PHLDB2: variants seen among roughly 807,000 people sequenced by gnomAD.
The protein encoded by PHLDB2 is pleckstrin homology-like domain family B member 2.
PHLDB2 carries 71 observed loss-of-function variants against 123.6 expected under a neutral mutation model. That is an observed-to-expected ratio of 0.57 (90% CI 0.47 to 0.70). The LOEUF (loss-of-function observed/expected upper bound fraction) is 0.70, where lower values mean the gene tolerates loss of function less well. Among genes scored for constraint, PHLDB2 ranks in the 30% least tolerant of loss-of-function variants. The pLI is 0.00. For missense variants in PHLDB2, 1,446 were observed against 1,519.5 expected (o/e 0.95, Z 0.80); for synonymous variants, 547 against 541.6 (o/e 1.01, Z -0.14).
chr3:111,932,452 C>G lies in PHLDB2; in HGVS notation c.2130+55C>G, dbSNP rs2107573507. On this transcript the variant is annotated intron_variant, in intron 6 of 17. Transcript: ENST00000431670. The stretch of plus-strand genomic sequence containing the variant: ...TTTTGCTTTTCGTTTTTGTTTTTCA[C>G]TTAAGTGCCACTTACCTGTGACTTA... 2.6e-6 allele frequency: 4 copies of G among 1,514,494 alleles called. No individual in the cohort carries two copies. In the South Asian group the frequency reaches 5.1e-5, roughly 19 times the overall value. The allele number at this position is 1,514,494 out of a possible 1,614,324, so 93.8% of individuals were successfully genotyped here.
intron 1 of PHLDB2, among the ~76,000 whole-genome samples, chr3:111,837,541 C>T (rs1053156378): frequency 2.6e-5 from 4 of 152,186 alleles, no homozygotes; most frequent in African/African-American, 7.2e-5. Context: ...GATGTTTCCT[C>T]AGACCCTATA....
At chr3:111,951,016 G>A (rs1056463978) in intron 10 of PHLDB2, among the ~76,000 whole-genome samples, 5 of 152,154 alleles carry the variant, frequency 3.3e-5, no homozygotes, top group Non-Finnish European at 7.4e-5. Flanking sequence ...CAGTTAGACT[G>A]TGTTTTCATT....
chr3:111,854,533 G>A (rs2064399452), upstream of PHLDB2, among the ~76,000 whole-genome samples: 1 of 152,164 alleles, frequency 6.6e-6, no homozygotes, highest in Non-Finnish European at 1.5e-5. Context: ...ACAAAGATTT[G>A]TTAGGCTATC....
chr3:111,876,987 C>A (rs7637686), intron 1 of PHLDB2, among the ~76,000 whole-genome samples: 1 of 152,250 alleles, frequency 6.6e-6, no homozygotes, highest in Non-Finnish European at 1.5e-5. Flanking sequence ...CATTTGGGTT[C>A]GTTCCAAGTC....
At chr3:111,937,168 T>C (rs2069546238) in intron 6 of PHLDB2, among the ~76,000 whole-genome samples, 1 of 152,250 alleles carries the variant, frequency 6.6e-6, no homozygotes, top group African/African-American at 2.4e-5. Context: ...GATAGTCTTG[T>C]TGCTAATTAC....
chr3:111,956,745 A>C (rs926152986), intron 12 of PHLDB2, among the ~76,000 whole-genome samples: 1 of 152,224 alleles, frequency 6.6e-6, no homozygotes, highest in African/African-American at 2.4e-5. Flanking sequence ...ACCCCAGCAG[A>C]CTGTAAAACT....
intron 8 of PHLDB2, among the ~76,000 whole-genome samples, chr3:111,943,298 A>AG (rs768673418): frequency 6.6e-6 from 1 of 152,222 alleles, no homozygotes; most frequent in Non-Finnish European, 1.5e-5. Flanking sequence ...CTTTCAAAGA[A>AG]ATGATGCTGG....
chr3:111,796,898 T>C (rs996076605), intron 1 of PHLDB2, among the ~76,000 whole-genome samples: 25 of 152,244 alleles, frequency 1.6e-4, no homozygotes, highest in African/African-American at 5.8e-4. Context: ...AAAATTCTTA[T>C]CAAGATTTAC....
intron 1 of PHLDB2, among the ~76,000 whole-genome samples, chr3:111,841,691 A>G (rs1274377693): frequency 6.6e-6 from 1 of 152,056 alleles, no homozygotes; most frequent in Non-Finnish European, 1.5e-5. Context: ...GGCTTCTAAG[A>G]CTCCTGCGTG....
At chr3:111,847,276 T>C (rs1361483480) in intron 2 of PHLDB2, among the ~76,000 whole-genome samples, 1 of 152,178 alleles carries the variant, frequency 6.6e-6, no homozygotes, top group Non-Finnish European at 1.5e-5. Flanking sequence ...ATTCAACAAA[T>C]ATTTAATAGT....
chr3:111,905,947 G>A (rs969475761), intron 2 of PHLDB2, among the ~76,000 whole-genome samples: 3 of 152,114 alleles, frequency 2.0e-5, no homozygotes, highest in African/African-American at 4.8e-5. Flanking sequence ...CTGGAATGTC[G>A]TTATGTGTGC....
At chr3:111,780,392 A>AAGAAGAAGAAGAAGAAGG (rs2060403126) in intron 1 of PHLDB2, among the ~76,000 whole-genome samples, 1 of 51,462 alleles carries the variant, frequency 1.9e-5, no homozygotes, top group Admixed American at 2.4e-4. Context: ...GAAGAAGAAG[A>AAGAAGAAGAAGAAGAAGG]AGAAGAAGAA....
At chr3:111,823,146 C>G (rs2062487977) in intron 1 of PHLDB2, among the ~76,000 whole-genome samples, 1 of 152,164 alleles carries the variant, frequency 6.6e-6, no homozygotes, top group Non-Finnish European at 1.5e-5. Flanking sequence ...GCCTAAGGGA[C>G]CAGGAGGAAG....
chr3:111,894,612 G>C (rs1352825388), intron 2 of PHLDB2, among the ~76,000 whole-genome samples: 1 of 151,636 alleles, frequency 6.6e-6, no homozygotes, highest in Non-Finnish European at 1.5e-5. Context: ...TCTAACTGGT[G>C]TGAGATGGTT....
intron 1 of PHLDB2, among the ~76,000 whole-genome samples, chr3:111,841,579 A>G (rs2063698555): frequency 6.6e-6 from 1 of 152,160 alleles, no homozygotes; most frequent in East Asian, 1.9e-4. Flanking sequence ...TAACCTCTTC[A>G]AATAGAATAA....
intron 2 of PHLDB2, among the ~76,000 whole-genome samples, chr3:111,900,928 G>A (rs1450584623): frequency 6.6e-6 from 1 of 151,950 alleles, no homozygotes; most frequent in South Asian, 2.1e-4. Context: ...TAGAAATGGG[G>A]TCTCTCTATG....
At chr3:111,768,084 T>A (rs926849395) in intron 1 of PHLDB2, among the ~76,000 whole-genome samples, 1 of 151,958 alleles carries the variant, frequency 6.6e-6, no homozygotes, top group African/African-American at 2.4e-5. Context: ...AAGGTGAGAG[T>A]TGATAGCCAC....
chr3:111,794,273 C>T (rs1186844898), intron 1 of PHLDB2, among the ~76,000 whole-genome samples: 1 of 152,114 alleles, frequency 6.6e-6, no homozygotes, highest in Non-Finnish European at 1.5e-5. Flanking sequence ...CCGTGAAAGG[C>T]AGCACTGAGT....
intron 1 of PHLDB2, among the ~76,000 whole-genome samples, chr3:111,793,832 G>T: frequency 6.6e-6 from 1 of 151,858 alleles, no homozygotes; most frequent in Middle Eastern, 3.4e-3. Flanking sequence ...CCTGGAATGG[G>T]GGCCTCAGGA....
Sources: gnomAD v4.1 joint callset for allele counts (sites outside exome capture counted in the v4.1 genomes callset) on GRCh38, gnomAD v4.1.1 for gene constraint, MANE v1.5 for transcripts, NCBI Gene and HGNC (gene_info 2026-07-23, HGNC 2026-07-21) for gene names.